Variants in INPP4B observed in about 807,000 individuals in gnomAD.
INPP4B encodes inositol polyphosphate 4-phosphatase type II.
INPP4B carries 55 observed loss-of-function variants against 122.5 expected under a neutral mutation model. The observed-to-expected ratio is 0.45, with a 90% CI of 0.36 to 0.56. The LOEUF (loss-of-function observed/expected upper bound fraction) is 0.56. Ranked by LOEUF, INPP4B falls within the 20% of genes least tolerant of loss-of-function variation. INPP4B has a pLI of 0.00. For synonymous variants in INPP4B, 403 were observed against 388.7 expected (o/e 1.04, Z -0.43); for missense variants, 1,000 against 1,097.7 (o/e 0.91, Z 1.26).
At chr4:142,691,335 T>G (rs569732602) in intron 2 of INPP4B, among the ~76,000 whole-genome samples, 2 of 152,164 alleles carry the variant, frequency 1.3e-5, no homozygotes, top group East Asian at 3.9e-4. Context: ...AAAGTTTTTT[T>G]TTTTTTTTTA....
intron 2 of INPP4B, among the ~76,000 whole-genome samples, chr4:142,654,178 C>G (rs142696999): frequency 5.7e-4 from 87 of 152,100 alleles, no homozygotes; most frequent in African/African-American, 1.8e-3. Context: ...AATGAGAACA[C>G]TTAAGACACA....
At chr4:142,420,894 T>G (rs1806733297) in intron 5 of INPP4B, among the ~76,000 whole-genome samples, 1 of 152,170 alleles carries the variant, frequency 6.6e-6, no homozygotes, top group Admixed American at 6.6e-5. Flanking sequence ...AAGGAAGTTT[T>G]GAGTGTGATA....
intron 18 of INPP4B, among the ~76,000 whole-genome samples, chr4:142,125,023 C>G (rs922224877): frequency 1.6e-4 from 25 of 152,288 alleles, no homozygotes; most frequent in African/African-American, 5.3e-4. Flanking sequence ...CATCTCTAAT[C>G]TGTGCACTAC....
chr4:142,162,665 T>C (rs761426918), intron 16 of INPP4B, among the ~76,000 whole-genome samples: 12 of 151,944 alleles, frequency 7.9e-5, no homozygotes, highest in Admixed American at 2.0e-4. Flanking sequence ...GTAATCACTA[T>C]CAATTTCTTT....
At chr4:142,448,323 C>A (rs1342388132) in intron 3 of INPP4B, among the ~76,000 whole-genome samples, 2 of 118,840 alleles carry the variant, frequency 1.7e-5, no homozygotes, top group Non-Finnish European at 3.4e-5. Context: ...ATTTCCTATC[C>A]ATCTCCAAAA....
intron 10 of INPP4B, among the ~76,000 whole-genome samples, 160 bp from the exon 11 acceptor site, chr4:142,260,724 G>A (rs1444647004): frequency 6.6e-6 from 1 of 152,052 alleles, no homozygotes. Flanking sequence ...TTACTACAAA[G>A]AGTGTTTAAC....
chr4:142,838,362 A>G (rs1174662114), intron 1 of INPP4B, among the ~76,000 whole-genome samples: 1 of 151,742 alleles, frequency 6.6e-6, no homozygotes, highest in Non-Finnish European at 1.5e-5. Flanking sequence ...AATAGAGAGT[A>G]GGAAAAAAAA....
chr4:142,400,825 A>G (rs1047362688), intron 7 of INPP4B, among the ~76,000 whole-genome samples: 5 of 152,206 alleles, frequency 3.3e-5, no homozygotes, highest in African/African-American at 1.2e-4. Context: ...GTCAACAAAA[A>G]GCATAATTAA....
intron 12 of INPP4B, among the ~76,000 whole-genome samples, chr4:142,227,414 G>C (rs1034607704): frequency 2.0e-5 from 3 of 151,992 alleles, no homozygotes; most frequent in African/African-American, 7.3e-5. Context: ...TTATCATATA[G>C]CCCTTTTAAC....
At chr4:142,240,157 C>T (rs1350462431) in intron 11 of INPP4B, among the ~76,000 whole-genome samples, 3 of 149,820 alleles carry the variant, frequency 2.0e-5, no homozygotes, top group Non-Finnish European at 4.4e-5. Flanking sequence ...CCTGTCTCAT[C>T]CTCCCAAGTA....
chr4:142,392,704 ATAGTTAC>A (rs1561997576), intron 7 of INPP4B, among the ~76,000 whole-genome samples: 1 of 152,256 alleles, frequency 6.6e-6, no homozygotes, highest in Admixed American at 6.5e-5. Context: ...TGTAAAGGCT[ATAGTTAC>A]ACAACAGACT....
intron 1 of INPP4B, among the ~76,000 whole-genome samples, chr4:142,773,097 C>T (rs74489096): frequency 0.081 from 12,301 of 151,942 alleles, 583 homozygotes; most frequent in Middle Eastern, 0.13. Flanking sequence ...AACAGTACAA[C>T]TGTTAATAGG....
intron 1 of INPP4B, among the ~76,000 whole-genome samples, chr4:142,807,340 G>A (rs540263420): frequency 4.6e-5 from 7 of 152,306 alleles, no homozygotes; most frequent in East Asian, 3.9e-4. Context: ...CCAGGAGGAC[G>A]AGATTGCATG....
At chr4:142,258,581 C>T (rs1165539017) in intron 11 of INPP4B, among the ~76,000 whole-genome samples, 1 of 152,156 alleles carries the variant, frequency 6.6e-6, no homozygotes, top group East Asian at 1.9e-4. Flanking sequence ...GACATTTATG[C>T]AGCCAAAAAA....
chr4:142,603,041 C>G (rs975402652), intron 2 of INPP4B, among the ~76,000 whole-genome samples: 1 of 152,082 alleles, frequency 6.6e-6, no homozygotes, highest in Non-Finnish European at 1.5e-5. Flanking sequence ...TGGAATACTA[C>G]ACAGCCATAA....
chr4:142,429,240 C>A, intron 4 of INPP4B, 23 bp from the exon 5 acceptor site: 1 of 1,418,148 alleles, frequency 7.1e-7, no homozygotes, highest in African/African-American at 1.4e-5. Flanking sequence ...GGAGCAAATT[C>A]AGATTTTTAA....
chr4:142,035,448 G>C (rs148776389), intron 25 of INPP4B, among the ~76,000 whole-genome samples: 1 of 152,094 alleles, frequency 6.6e-6, no homozygotes, highest in African/African-American at 2.4e-5. Context: ...TTTTTAACTA[G>C]ATAAAGATAC....
At chr4:142,692,604 A>T (rs1760350337) in intron 2 of INPP4B, among the ~76,000 whole-genome samples, 1 of 152,190 alleles carries the variant, frequency 6.6e-6, no homozygotes, top group Admixed American at 6.6e-5. Flanking sequence ...TATTCTTTCG[A>T]GCAGATCTGA....
At position 142,562,589 on chromosome 4, in the gene INPP4B, A is replaced by G. The variant is rs1175441894; in HGVS notation, c.-190-99863T>C. Among the ~76,000 whole-genome samples, 3 of 152,192 alleles carry G rather than the reference A, an allele frequency of 2.0e-5. No individual in the cohort carries two copies. In the East Asian group the frequency reaches 5.8e-4, roughly 29 times the overall value. Reference sequence around the variant, plus strand: ...GGACAAGGTGTCCTTGAAAAATAAGAAAGACATCCTATTGCTTTTTGAAAA... The same window carrying G: ...GGACAAGGTGTCCTTGAAAAATAAGGAAGACATCCTATTGCTTTTTGAAAA... On this transcript the variant is annotated intron_variant, in intron 2 of 25. Coordinates refer to ENST00000262992, the MANE Select transcript of INPP4B (RefSeq NM_001101669.3).
Sources: allele counts gnomAD v4.1 joint callset (sites outside exome capture counted in the v4.1 genomes callset), GRCh38; gene constraint gnomAD v4.1.1; transcripts MANE v1.5; gene names NCBI Gene and HGNC (gene_info 2026-07-23, HGNC 2026-07-21).